The following CEP128 variants were observed in gnomAD, a reference collection of about 807,000 sequenced individuals.
CEP128 encodes the protein centrosomal protein 128kDa.
A neutral mutation model predicts 156.7 loss-of-function variants in CEP128; 132 were observed. That is an observed-to-expected ratio of 0.84 (90% CI 0.73 to 0.97). The LOEUF (loss-of-function observed/expected upper bound fraction) is 0.97, where lower values mean the gene tolerates loss of function less well. CEP128 is among the 50% of genes least tolerant of loss of function. CEP128 has a pLI of 0.00. For missense variants in CEP128, 1,252 were observed against 1,281.9 expected (o/e 0.98, Z 0.36); for synonymous variants, 469 against 448.9 (o/e 1.04, Z -0.57).
intron 2 of CEP128, among the ~76,000 whole-genome samples, chr14:80,956,942 T>C (rs752207986): frequency 5.3e-5 from 8 of 152,178 alleles, no homozygotes; most frequent in Non-Finnish European, 1.0e-4. Flanking sequence ...AAAGGTGTAA[T>C]GGCCTCTTGA....
At chr14:80,713,603 A>G (rs950494602) in intron 19 of CEP128, among the ~76,000 whole-genome samples, 1 of 152,180 alleles carries the variant, frequency 6.6e-6, no homozygotes. Flanking sequence ...TAAAGTAAGT[A>G]TCTACACTAG....
chr14:80,771,542 C>T (rs985561288), intron 16 of CEP128, among the ~76,000 whole-genome samples: 6 of 152,088 alleles, frequency 3.9e-5, no homozygotes, highest in Non-Finnish European at 5.9e-5. Context: ...CTAGGTGTCA[C>T]TTTATAGATG....
At chr14:80,816,050 T>C (rs1384306480) in intron 13 of CEP128, among the ~76,000 whole-genome samples, 4 of 152,144 alleles carry the variant, frequency 2.6e-5, no homozygotes, top group Non-Finnish European at 5.9e-5. Flanking sequence ...GACTTCACCA[T>C]TATGCAATAT....
chr14:80,497,181 G>GA lies in CEP128; in HGVS notation c.*297dup, dbSNP rs1887527897. 5.2e-6 allele frequency: 1 copy of GA among 191,578 alleles called. No individual in the cohort carries two copies. The highest frequency in any genetic ancestry group is 1.1e-5 in the Non-Finnish European group (1 of 94,554). 11.9% of individuals were successfully genotyped at this position (191,578 alleles called of 1,614,324 possible). A position where few individuals can be genotyped will look rare whatever the true frequency, so the allele number is the denominator to read the frequency against. ...AATTAGAAATCCAAATTTTGGTTGG[G>GA]AAAATGTGACTGACCACACTTGAAA... On this transcript the variant is annotated 3_prime_UTR_variant, in exon 25 of 25. Transcript: ENST00000555265.
intron 9 of CEP128, among the ~76,000 whole-genome samples, chr14:80,841,042 T>G (rs1380545197): frequency 6.6e-6 from 1 of 152,140 alleles, no homozygotes; most frequent in Non-Finnish European, 1.5e-5. Context: ...ACAGTTTTCT[T>G]GGAAACAAAT....
intron 13 of CEP128, among the ~76,000 whole-genome samples, chr14:80,798,633 T>C (rs1883640031): frequency 6.6e-6 from 1 of 152,210 alleles, no homozygotes; most frequent in Admixed American, 6.5e-5. Context: ...CTTATTATTA[T>C]TTAAGTAAAA....
intron 13 of CEP128, among the ~76,000 whole-genome samples, chr14:80,808,342 A>G (rs1366596479): frequency 6.6e-6 from 1 of 152,156 alleles, no homozygotes; most frequent in African/African-American, 2.4e-5. Context: ...CCACCTCTGC[A>G]TGACTCTGCA....
At chr14:80,547,526 G>T (rs574272712) in intron 21 of CEP128, among the ~76,000 whole-genome samples, 18 of 152,288 alleles carry the variant, frequency 1.2e-4, no homozygotes, top group African/African-American at 3.8e-4. Flanking sequence ...GACTTCTCTT[G>T]AATAGGGTGA....
chr14:80,880,672 C>G (rs1464360793), intron 8 of CEP128, among the ~76,000 whole-genome samples: 1 of 145,232 alleles, frequency 6.9e-6, no homozygotes, highest in Non-Finnish European at 1.5e-5. Flanking sequence ...CTGGCTAACA[C>G]AGTGAAACCC....
intron 21 of CEP128, among the ~76,000 whole-genome samples, chr14:80,534,824 C>CAA (rs371773612): frequency 0.027 from 1,592 of 59,702 alleles, 74 homozygotes; most frequent in South Asian, 0.15. Context: ...GATTCCGTCT[C>CAA]AAAAAAAAAA....
At chr14:80,537,634 T>C (rs1168659962) in intron 21 of CEP128, among the ~76,000 whole-genome samples, 1 of 152,160 alleles carries the variant, frequency 6.6e-6, no homozygotes, top group Non-Finnish European at 1.5e-5. Flanking sequence ...GAACATAAAA[T>C]GTACTCACAA....
In CEP128 at chr14:80,916,495, C is replaced by T. The variant is rs1220604481; in HGVS notation, c.53G>A (p.Ser18Asn). The change falls in exon 3 of 25, where the codon AGT becomes AAT. Residue 18 changes from serine (S) to asparagine (N), a missense_variant. Physicochemically the swap from Ser to Asn is conservative, Grantham distance 46. Coordinates refer to ENST00000555265, the MANE Select transcript of CEP128 (RefSeq NM_152446.5). ...GTGCGTTGATCTGGCAGCCCATGGACTCAATCGGTCACGACAGCGGAAGTG... is the reference window on the plus strand; with the variant it reads ...GTGCGTTGATCTGGCAGCCCATGGATTCAATCGGTCACGACAGCGGAAGTG... ...SDHFRCRDRLSPWAARSTHRG... is the reference protein window; with the variant it reads ...SDHFRCRDRLNPWAARSTHRG... 4 of 1,614,024 alleles carry T rather than the reference C, an allele frequency of 2.5e-6. No homozygotes were observed. Among genetic ancestry groups the T allele is most frequent in the East Asian group, 4.5e-5 (2 of 44,874 alleles).
chr14:80,763,474 T>A (rs994755694), intron 16 of CEP128, among the ~76,000 whole-genome samples: 1 of 152,192 alleles, frequency 6.6e-6, no homozygotes, highest in African/African-American at 2.4e-5. Context: ...GCAACATTAT[T>A]ACTAAGTCTC....
At position 80,895,798 on chromosome 14, in the gene CEP128, GAAAAA is replaced by G; in HGVS notation, c.573-13_573-9del. 3.2e-6 allele frequency: 4 copies of G among 1,262,664 alleles called. No homozygotes were observed. The highest frequency in any genetic ancestry group is 3.1e-6 in the Non-Finnish European group (3 of 962,884). The allele number at this position is 1,262,664 out of a possible 1,614,324, so 78.2% of individuals were successfully genotyped here. A position where few individuals can be genotyped will look rare whatever the true frequency, so the allele number is the denominator to read the frequency against. ...TTTGTTTCGGCATCTGACCTAGGAA[GAAAAA>G]AAAAAAAAAGATTTAAATTTGGATA... On this transcript the variant is annotated splice_polypyrimidine_tract_variant and intron_variant, in intron 7 of 24. Transcript: ENST00000555265.
At chr14:80,786,817 C>A (rs1365400533) in intron 14 of CEP128, among the ~76,000 whole-genome samples, 1 of 152,052 alleles carries the variant, frequency 6.6e-6, no homozygotes, top group Non-Finnish European at 1.5e-5. Context: ...GTGATCAAAA[C>A]TGTAAAAAGA....
intron 20 of CEP128, among the ~76,000 whole-genome samples, chr14:80,578,148 T>C (rs1278534660): frequency 6.6e-6 from 1 of 152,194 alleles, no homozygotes; most frequent in Non-Finnish European, 1.5e-5. Flanking sequence ...AGGATTTTAT[T>C]ATAAACACTG....
intron 21 of CEP128, among the ~76,000 whole-genome samples, chr14:80,538,268 G>A (rs570730421): frequency 6.6e-6 from 1 of 152,028 alleles, no homozygotes; most frequent in Admixed American, 6.5e-5. Flanking sequence ...AGAGCACAAA[G>A]CAGAAAAAAG....
chr14:80,897,137 G>A lies in CEP128; in HGVS notation c.573-1347C>T, dbSNP rs373041799. Among the ~76,000 whole-genome samples the A allele has an allele frequency of 6.6e-5, 10 of 152,212 alleles. No homozygotes were observed. The East Asian group carries it at 1.5e-3, about 23-fold the overall frequency. On this transcript the variant is annotated intron_variant, in intron 7 of 24. Transcript: ENST00000555265. ...TATATCCACACAGTGGAATAACAAAGAATAATAAAAATGAGCAAACTGCAA... is the reference window on the plus strand; with the variant it reads ...TATATCCACACAGTGGAATAACAAAAAATAATAAAAATGAGCAAACTGCAA...
At chr14:80,874,845 C>G (rs931926936) in intron 8 of CEP128, among the ~76,000 whole-genome samples, 4 of 152,190 alleles carry the variant, frequency 2.6e-5, no homozygotes, top group African/African-American at 9.7e-5. Flanking sequence ...GTCTCGATCT[C>G]CTGACCTCGT....
Sources: gnomAD v4.1 joint callset for allele counts (sites outside exome capture counted in the v4.1 genomes callset) on GRCh38, gnomAD v4.1.1 for gene constraint, MANE v1.5 for transcripts, NCBI Gene and HGNC (gene_info 2026-07-23, HGNC 2026-07-21) for gene names.